Variants in ST14 observed in about 807,000 individuals in gnomAD.
The protein encoded by ST14 is suppressor of tumorigenicity 14 protein.
In ST14, 40 loss-of-function variants were observed where a neutral mutation model predicts 96.5. The ratio of observed to expected loss-of-function variants is 0.41; its 90% CI spans 0.32 to 0.54. ST14 has a LOEUF of 0.54. Among genes scored for constraint, ST14 ranks in the 20% least tolerant of loss-of-function variants. The pLI, the probability that ST14 is intolerant of heterozygous loss-of-function variation, is 0.17. For synonymous variants in ST14, 506 were observed against 492.1 expected, an observed-to-expected ratio of 1.03 and a Z score of -0.37; for missense variants, 1,066 against 1,188.9, an observed-to-expected ratio of 0.90 and a Z score of 1.52.
chr11:130,172,696 C>T (rs918111813), intron 1 of ST14, among the ~76,000 whole-genome samples: 5 of 152,150 alleles, frequency 3.3e-5, no homozygotes, highest in East Asian at 1.9e-4. Context: ...GGACTACAGG[C>T]GTGAACCACC....
intron 1 of ST14, among the ~76,000 whole-genome samples, chr11:130,175,520 C>T (rs971565599): frequency 6.6e-6 from 1 of 151,964 alleles, no homozygotes; most frequent in Non-Finnish European, 1.5e-5. Context: ...GCTGGGATTA[C>T]AGGCATGTGC....
chr11:130,196,859 T>A, intron 11 of ST14, 159 bp downstream of exon 11: 1 of 1,032,518 alleles, frequency 9.7e-7, no homozygotes, highest in South Asian at 1.4e-5. Flanking sequence ...ACACGCTACC[T>A]TTGATGCATT....
chr11:130,207,729 C>G (rs1591898367), intron 16 of ST14, among the ~76,000 whole-genome samples: 1 of 152,202 alleles, frequency 6.6e-6, no homozygotes, highest in Non-Finnish European at 1.5e-5. Flanking sequence ...AGACACAACA[C>G]AACATATTTT....
intron 1 of ST14, among the ~76,000 whole-genome samples, chr11:130,174,617 G>A (rs1953120127): frequency 6.6e-6 from 1 of 152,114 alleles, no homozygotes; most frequent in Admixed American, 6.6e-5. Context: ...CATTTCATAG[G>A]GCACTTTGCC....
intron 12 of ST14, 92 bp downstream of exon 12, chr11:130,198,037 G>A: frequency 7.4e-7 from 1 of 1,344,392 alleles, no homozygotes; most frequent in Non-Finnish European, 1.0e-6. Context: ...GAGGCAGAAA[G>A]GCCGGAGGTG....
chr11:130,179,736 C>T (rs1239581111), intron 1 of ST14, among the ~76,000 whole-genome samples: 1 of 152,212 alleles, frequency 6.6e-6, no homozygotes, highest in Admixed American at 6.5e-5. Context: ...TCATTCTCAG[C>T]TCAGCATTGC....
At position 130,199,976 on chromosome 11, in the gene ST14, A is replaced by G. The variant is rs779740241; in HGVS notation, c.1833A>G (p.Arg611=). The part of the protein sequence containing the change: ...DCDCGLRSFT[R]QARVVGGTDA... Reference sequence around the variant, plus strand: ...ACTGTGGGCTGCGGTCATTCACGAGACAGGCTCGTGTTGTTGGGGGCACGG... The same window carrying G: ...ACTGTGGGCTGCGGTCATTCACGAGGCAGGCTCGTGTTGTTGGGGGCACGG... Residue 611 remains arginine (R), a synonymous_variant, in exon 16 of 19, where the codon AGA becomes AGG. Transcript: ENST00000278742. 6.2e-7 allele frequency: 1 copy of G among 1,614,156 alleles called. No homozygotes were observed. Among genetic ancestry groups the G allele is most frequent in the Admixed American group, 1.7e-5 (1 of 60,024 alleles).
chr11:130,195,466 G>A (rs17667591), intron 9 of ST14, among the ~76,000 whole-genome samples: 8,449 of 152,198 alleles, frequency 0.056, 269 homozygotes, highest in Non-Finnish European at 0.077. Context: ...GGCGCCGTCA[G>A]GAAGAAATCA....
At chr11:130,179,753 G>C (rs982847977) in intron 1 of ST14, among the ~76,000 whole-genome samples, 4 of 152,298 alleles carry the variant, frequency 2.6e-5, no homozygotes, top group East Asian at 1.9e-4. Context: ...TTGCCCAGGG[G>C]ACAAACACAG....
Position 130,181,233 on chromosome 11 carries a change from T to C in ST14, c.82-6881T>C, listed in dbSNP as rs978437308. On this transcript the variant is annotated intron_variant, in intron 1 of 18. Coordinates refer to ENST00000278742, the MANE Select transcript of ST14 (RefSeq NM_021978.4). The surrounding 1 kb of genome is among the most constrained non-coding windows in gnomAD (Gnocchi z 4.1). Reference sequence around the variant, plus strand: ...TCGCCCCTGCTGGGTGAGATAGTGGTGGTCCCTGTTAGATCCTGGCCCTTT... The same window carrying C: ...TCGCCCCTGCTGGGTGAGATAGTGGCGGTCCCTGTTAGATCCTGGCCCTTT... Among the ~76,000 whole-genome samples the C allele has an allele frequency of 6.6e-6, 1 of 152,146 alleles. No homozygotes were observed. The highest frequency in any genetic ancestry group is 2.4e-5 in the African/African-American group (1 of 41,412).
chr11:130,209,595 G>A lies in ST14; in HGVS notation c.2406+17G>A, dbSNP rs1953529003. 6.3e-7 allele frequency: 1 copy of A among 1,585,088 alleles called. No individual in the cohort carries two copies. The highest frequency in any genetic ancestry group is 8.6e-7 in the Non-Finnish European group (1 of 1,166,012). On this transcript the variant is annotated intron_variant, in intron 18 of 18. Coordinates refer to ENST00000278742, the MANE Select transcript of ST14 (RefSeq NM_021978.4). ...TCCTGCCAGGTGGCCCCCGGGGCAG[G>A]AGGGCGGCAGGTGGGCCCCGGGAGA...
intron 16 of ST14, among the ~76,000 whole-genome samples, chr11:130,203,353 C>T (rs1953451353): frequency 6.6e-6 from 1 of 152,216 alleles, no homozygotes; most frequent in African/African-American, 2.4e-5. Context: ...TGCACTGCCA[C>T]CACCTTGCTC....
rs1200203860 is a variant in ST14, at chr11:130,209,524, C to T, written c.2352C>T (p.Ile784=). 1 of 1,579,462 alleles carries T rather than the reference C, an allele frequency of 6.3e-7. No individual in the cohort carries two copies. The highest frequency in any genetic ancestry group is 1.8e-5 in the Admixed American group (1 of 54,148). ...GCGAGAACCTCCTGCCGCAGCAGAT[C>T]ACGCCGCGCATGATGTGCGTGGGCT... ...TTCENLLPQQ[I]TPRMMCVGFL... Residue 784 remains isoleucine, a synonymous_variant, in exon 18 of 19, where the codon ATC becomes ATT. Transcript: ENST00000278742.
chr11:130,163,006 T>G (rs1169600277), intron 1 of ST14, among the ~76,000 whole-genome samples: 1 of 152,208 alleles, frequency 6.6e-6, no homozygotes, highest in Non-Finnish European at 1.5e-5. Flanking sequence ...CCAGGTTTGT[T>G]GAAAGGATTA....
rs904046182 is a variant in ST14 at position 130,192,671 on chromosome 11, C to A, written c.876-1478C>A. Among the ~76,000 whole-genome samples the A allele has an allele frequency of 2.0e-5, 3 of 152,226 alleles. No individual in the cohort carries two copies. The South Asian group carries it at 6.2e-4, about 32-fold the overall frequency. ...CCTCCCAAAGTACTGGGATTACAGG[C>A]GTGAGCCACAGCACCCGGCCAAATT... On this transcript the variant is annotated intron_variant, in intron 7 of 18. Transcript: ENST00000278742.
rs550989801 is a variant in ST14 at position 130,163,122 on chromosome 11, G to A, written c.81+3062G>A. 7.9e-5 allele frequency among the ~76,000 whole-genome samples: 12 copies of A among 152,252 alleles called. No homozygotes were observed. The South Asian group carries it at 1.2e-3, about 16-fold the overall frequency. ...GGGACTTGAGACAAGCAAGAAGATC[G>A]TATAGTATCAGTAGGTCGCCTGTCG... is the stretch of plus-strand genomic sequence containing the variant. On this transcript the variant is annotated intron_variant, in intron 1 of 18. Coordinates refer to ENST00000278742, the MANE Select transcript of ST14 (RefSeq NM_021978.4).
intron 4 of ST14, 66 bp from the exon 5 acceptor site, chr11:130,189,673 C>T (rs973148581): frequency 3.8e-6 from 6 of 1,592,700 alleles, no homozygotes; most frequent in East Asian, 2.2e-5. Context: ...GTCCTGGAGT[C>T]GCTCTGGGCG....
chr11:130,171,616 C>T (rs934252113), intron 1 of ST14, among the ~76,000 whole-genome samples: 1 of 152,186 alleles, frequency 6.6e-6, no homozygotes, highest in South Asian at 2.1e-4. Flanking sequence ...ACCAGGTCCC[C>T]GCACGTTTGT....
intron 1 of ST14, among the ~76,000 whole-genome samples, chr11:130,164,872 G>A (rs1199309290): frequency 6.6e-6 from 1 of 151,828 alleles, no homozygotes; most frequent in African/African-American, 2.4e-5. Flanking sequence ...CGAGTAGCTG[G>A]GATTACAGGC....
Sources: gnomAD v4.1 joint callset for allele counts (sites outside exome capture counted in the v4.1 genomes callset) on GRCh38, gnomAD v4.1.1 for gene constraint, Gnocchi (gnomAD v3.1) non-coding constraint, MANE v1.5 for transcripts, NCBI Gene and HGNC (gene_info 2026-07-23, HGNC 2026-07-21) for gene names.